The following NEK1 variants were observed in gnomAD, a reference collection of about 807,000 sequenced individuals.
The protein encoded by NEK1 is NIMA related kinase 1.
NEK1 carries 137 observed loss-of-function variants against 182.1 expected under a neutral mutation model. The observed-to-expected ratio is 0.75, with a 90% CI of 0.65 to 0.87. NEK1 has a LOEUF of 0.87. Among genes scored for constraint, NEK1 ranks in the 40% least tolerant of loss-of-function variants. The pLI is 0.00. For missense variants in NEK1, 1,391 were observed against 1,494.4 expected, an observed-to-expected ratio of 0.93 and a Z score of 1.14; for synonymous variants, 513 against 492.2, an observed-to-expected ratio of 1.04 and a Z score of -0.56.
At chr4:169,526,492 A>T (rs1244485697) in intron 19 of NEK1, among the ~76,000 whole-genome samples, 1 of 151,992 alleles carries the variant, frequency 6.6e-6, no homozygotes, top group African/African-American at 2.4e-5. Flanking sequence ...CCCCGTCTCT[A>T]AAAAAAACAA....
intron 19 of NEK1, among the ~76,000 whole-genome samples, chr4:169,533,472 A>G (rs1230623978): frequency 6.6e-6 from 1 of 152,234 alleles, no homozygotes; most frequent in East Asian, 1.9e-4. Flanking sequence ...AACAAACTTT[A>G]AAGTGGAAGA....
At chr4:169,448,984 C>T (rs12650246) in intron 27 of NEK1, among the ~76,000 whole-genome samples, 69,285 of 152,154 alleles carry the variant, frequency 0.46, 18,493 homozygotes, top group East Asian at 0.76. Context: ...TCTTAGCAAC[C>T]GGCAGACTAG....
At chr4:169,579,017 C>T (rs140417628) in intron 11 of NEK1, among the ~76,000 whole-genome samples, 4 of 152,140 alleles carry the variant, frequency 2.6e-5, no homozygotes, top group Middle Eastern at 3.4e-3. Context: ...AGAAATACAG[C>T]GCATGCCAGA....
At chr4:169,598,444 T>C (rs1561484811) in intron 5 of NEK1, among the ~76,000 whole-genome samples, 1 of 151,448 alleles carries the variant, frequency 6.6e-6, no homozygotes, top group Admixed American at 6.6e-5. Flanking sequence ...GGACTTGAAC[T>C]GAGCTTAAAA....
chr4:169,433,352 G>A (rs530768560), intron 29 of NEK1, among the ~76,000 whole-genome samples, 193 bp downstream of exon 29: 94 of 152,286 alleles, frequency 6.2e-4, no homozygotes, highest in African/African-American at 2.2e-3. Context: ...GAGCCACTGT[G>A]CCCGGCCTCT....
At chr4:169,572,393 G>A (rs910661201) in intron 12 of NEK1, among the ~76,000 whole-genome samples, 1 of 152,140 alleles carries the variant, frequency 6.6e-6, no homozygotes, top group Non-Finnish European at 1.5e-5. Context: ...ACTGAAATAA[G>A]TAAGATCAAT....
In NEK1 at chr4:169,394,050, A is replaced by G; in HGVS notation, c.*460T>C. ...ACAGAGCCCTTGACAAGGTGATTTA[A>G]TGTAGAACTGCTGGCCAGAATGAAA... On this transcript the variant is annotated 3_prime_UTR_variant, in exon 36 of 36. Coordinates refer to ENST00000507142, the MANE Select transcript of NEK1 (RefSeq NM_001199397.3). The G allele has an allele frequency of 6.5e-6, 1 of 154,364 alleles. No homozygotes were observed. The highest frequency in any genetic ancestry group is 2.0e-4 in the South Asian group (1 of 4,900). The allele number at this position is 154,364 out of a possible 1,614,324, so 9.6% of individuals were successfully genotyped here. A position where few individuals can be genotyped will look rare whatever the true frequency, so the allele number is the denominator to read the frequency against.
chr4:169,445,953 T>C (rs913521340), intron 27 of NEK1, among the ~76,000 whole-genome samples: 3 of 151,542 alleles, frequency 2.0e-5, no homozygotes, highest in African/African-American at 7.3e-5. Context: ...GTAAGATGGA[T>C]AGAACTGGAG....
At chr4:169,561,342 T>C (rs958409526) in intron 16 of NEK1, 138 bp downstream of exon 16, 2 of 719,974 alleles carry the variant, frequency 2.8e-6, no homozygotes, top group South Asian at 1.8e-5. Context: ...GTATTCATAA[T>C]AAATGTTAAA....
intron 2 of NEK1, among the ~76,000 whole-genome samples, chr4:169,606,210 T>C (rs1167134201): frequency 6.6e-6 from 1 of 150,752 alleles, no homozygotes; most frequent in African/African-American, 2.4e-5. Context: ...TTTAGCCTAA[T>C]TATTTAAAAA....
intron 23 of NEK1, among the ~76,000 whole-genome samples, chr4:169,499,510 G>GT (rs1752016513): frequency 6.6e-6 from 1 of 152,106 alleles, no homozygotes; most frequent in Non-Finnish European, 1.5e-5. Context: ...TTTCTGCTCT[G>GT]TTTTTTCCCT....
intron 19 of NEK1, among the ~76,000 whole-genome samples, chr4:169,514,604 C>T (rs755572651): frequency 1.2e-4 from 18 of 152,080 alleles, no homozygotes; most frequent in African/African-American, 3.9e-4. Context: ...TGGTAGTTTA[C>T]GAATTTTATA....
intron 27 of NEK1, among the ~76,000 whole-genome samples, chr4:169,459,686 A>G (rs1012927270): frequency 6.6e-5 from 10 of 152,226 alleles, no homozygotes; most frequent in Non-Finnish European, 1.2e-4. Context: ...CATACAATGT[A>G]ATATTCTGCG....
chr4:169,429,408 G>A (rs189913211), intron 29 of NEK1, among the ~76,000 whole-genome samples: 7 of 151,944 alleles, frequency 4.6e-5, no homozygotes, highest in Admixed American at 1.3e-4. Context: ...CATTTAAAAC[G>A]TTAAAAAAAC....
rs1380382588 is a variant in NEK1, at chr4:169,414,333, T to C, written c.3223-7586A>G. On this transcript the variant is annotated intron_variant, in intron 31 of 35. Transcript: ENST00000507142. ...TCTGATAATATGGTCTTAAATTTGG[T>C]ACTTCTTTTTTATTACCACCAAGAA... Among the ~76,000 whole-genome samples, 13 of 152,294 alleles carry C rather than the reference T, an allele frequency of 8.5e-5. No individual in the cohort carries two copies. In the East Asian group the frequency reaches 2.5e-3, roughly 29 times the overall value.
chr4:169,479,874 C>T (rs1042796739), intron 23 of NEK1, among the ~76,000 whole-genome samples: 3 of 152,084 alleles, frequency 2.0e-5, no homozygotes, highest in East Asian at 1.9e-4. Flanking sequence ...AAAAGAAATG[C>T]TTTTGTAATT....
intron 12 of NEK1, among the ~76,000 whole-genome samples, chr4:169,575,965 CTTTTTTGTTTT>C (rs1224608345): frequency 6.7e-6 from 1 of 150,288 alleles, no homozygotes; most frequent in East Asian, 1.9e-4. Context: ...TTCTAAATTT[CTTTTTTGTTTT>C]TTTTTTTGAA....
intron 23 of NEK1, among the ~76,000 whole-genome samples, chr4:169,481,646 G>A (rs1014565778): frequency 6.6e-6 from 1 of 152,002 alleles, no homozygotes; most frequent in Non-Finnish European, 1.5e-5. Flanking sequence ...AATATTTACA[G>A]CAAACCGTGC....
intron 35 of NEK1, among the ~76,000 whole-genome samples, chr4:169,396,097 G>A (rs1730639921): frequency 6.6e-6 from 1 of 152,026 alleles, no homozygotes; most frequent in Non-Finnish European, 1.5e-5. Flanking sequence ...CAGGCATAGT[G>A]GCTCATGCCT....
Sources: gnomAD v4.1 joint callset for allele counts (sites outside exome capture counted in the v4.1 genomes callset) on GRCh38, gnomAD v4.1.1 for gene constraint, MANE v1.5 for transcripts, NCBI Gene and HGNC (gene_info 2026-07-23, HGNC 2026-07-21) for gene names.